The following P4HA1 variants were observed in gnomAD, a reference collection of about 807,000 sequenced individuals.
P4HA1 encodes the protein prolyl 4-hydroxylase subunit alpha 1.
In P4HA1, 24 loss-of-function variants were observed where a neutral mutation model predicts 72.8. The ratio of observed to expected loss-of-function variants is 0.33; its 90% CI spans 0.24 to 0.46. The LOEUF is 0.46. Ranked by LOEUF, P4HA1 falls within the 20% of genes least tolerant of loss-of-function variation. The pLI is 1.00. For synonymous variants in P4HA1, 201 were observed against 218.8 expected (o/e 0.92, Z 0.72); for missense variants, 446 against 640.6 (o/e 0.70, Z 3.28).
At chr10:73,060,423 C>A (rs996142626) in intron 5 of P4HA1, among the ~76,000 whole-genome samples, 1 of 152,146 alleles carries the variant, frequency 6.6e-6, no homozygotes, top group Admixed American at 6.5e-5. Context: ...AGCAATCAAG[C>A]CTTGCCAGGC....
At chr10:73,090,036 G>T (rs1163670090) in intron 1 of P4HA1, among the ~76,000 whole-genome samples, 3 of 152,144 alleles carry the variant, frequency 2.0e-5, no homozygotes, top group African/African-American at 7.2e-5. Context: ...GTTTTACCAT[G>T]TTGCGCAGGC....
At chr10:73,039,878 T>TG (rs1840692120) in intron 9 of P4HA1, among the ~76,000 whole-genome samples, 2 of 147,418 alleles carry the variant, frequency 1.4e-5, no homozygotes, top group Non-Finnish European at 3.0e-5. Flanking sequence ...TTTTTTTTTT[T>TG]GAGACAGAGT....
intron 9 of P4HA1, among the ~76,000 whole-genome samples, chr10:73,042,344 G>A (rs943502907): frequency 3.0e-4 from 46 of 152,204 alleles, no homozygotes; most frequent in African/African-American, 8.7e-4. Context: ...CAACACATTC[G>A]GTCCAGCCTA....
chr10:73,067,466 C>T (rs889868917), intron 5 of P4HA1, among the ~76,000 whole-genome samples: 2 of 152,182 alleles, frequency 1.3e-5, no homozygotes, highest in Non-Finnish European at 2.9e-5. Flanking sequence ...GCTTACAAAG[C>T]TCTCCAAGAG....
At chr10:73,073,220 CTTTTTT>C (rs573264487) in intron 3 of P4HA1, among the ~76,000 whole-genome samples, 1 of 116,168 alleles carries the variant, frequency 8.6e-6, no homozygotes. Flanking sequence ...CATCCATATT[CTTTTTT>C]TTTTTTTTTT....
intron 9 of P4HA1, among the ~76,000 whole-genome samples, chr10:73,035,515 C>T (rs1840548917): frequency 6.6e-6 from 1 of 152,036 alleles, no homozygotes; most frequent in Non-Finnish European, 1.5e-5. Context: ...GACCTCATCT[C>T]TTAAAAAAAC....
intron 10 of P4HA1, among the ~76,000 whole-genome samples, chr10:73,020,294 C>A (rs1384857131): frequency 6.6e-6 from 1 of 151,854 alleles, no homozygotes; most frequent in African/African-American, 2.4e-5. Flanking sequence ...TTATAAAAAA[C>A]CTAGAAGAAA....
rs535982961 is a variant in P4HA1 at position 73,062,150 on chromosome 10, G to A, written c.463+6696C>T. On this transcript the variant is annotated intron_variant, in intron 5 of 14. Coordinates refer to ENST00000394890, the MANE Select transcript of P4HA1 (RefSeq NM_001017962.3). ...AAAATGACAGAAAGAAAGGGTGGAA[G>A]GAGTAGATAAACCAAGAATGACAAA... Among the ~76,000 whole-genome samples the A allele has an allele frequency of 2.6e-5, 4 of 152,314 alleles. No individual in the cohort carries two copies. In the East Asian group the frequency reaches 7.7e-4, roughly 29 times the overall value.
chr10:73,063,579 G>A (rs896697052), intron 5 of P4HA1, among the ~76,000 whole-genome samples: 8 of 152,158 alleles, frequency 5.3e-5, no homozygotes, highest in South Asian at 2.1e-4. Context: ...TTTCGGTTAC[G>A]AGAACTAGTA....
rs538613647 is a variant in P4HA1 at position 73,072,279 on chromosome 10, T to C, written c.174-99A>G. ...AAAAAAATGACTAGAAGTTTTTGAG[T>C]TCAACTATATCTGTAGTTTCTTTTT... On this transcript the variant is annotated intron_variant, in intron 3 of 14. Transcript: ENST00000394890. 5 of 898,992 alleles carry C rather than the reference T, an allele frequency of 5.6e-6. No individual in the cohort carries two copies. The East Asian group carries it at 9.9e-5, about 18-fold the overall frequency. The allele number at this position is 898,992 out of a possible 1,614,324, so 55.7% of individuals were successfully genotyped here.
At chr10:73,092,863 A>C (rs1842065326) in intron 1 of P4HA1, among the ~76,000 whole-genome samples, 1 of 152,002 alleles carries the variant, frequency 6.6e-6, no homozygotes, top group South Asian at 2.1e-4. Context: ...GCTCACACCT[A>C]TAATCCCAAC....
chr10:73,026,506 G>A (rs1286552996), intron 10 of P4HA1, among the ~76,000 whole-genome samples: 1 of 152,136 alleles, frequency 6.6e-6, no homozygotes, highest in Admixed American at 6.6e-5. Context: ...AAAAACCCTA[G>A]AAGAAAACCT....
intron 13 of P4HA1, among the ~76,000 whole-genome samples, chr10:73,010,733 G>A (rs1839895271): frequency 6.6e-6 from 1 of 152,072 alleles, no homozygotes; most frequent in African/African-American, 2.4e-5. Flanking sequence ...GCTGGGCATG[G>A]TGACATGCAC....
intron 9 of P4HA1, among the ~76,000 whole-genome samples, chr10:73,032,939 A>G (rs1336503078): frequency 6.6e-6 from 1 of 152,186 alleles, no homozygotes; most frequent in Non-Finnish European, 1.5e-5. Flanking sequence ...TTGCTTGGTG[A>G]TATCTTGCAA....
intron 10 of P4HA1, among the ~76,000 whole-genome samples, chr10:73,027,020 C>T (rs1488450181): frequency 6.6e-6 from 1 of 152,174 alleles, no homozygotes; most frequent in Non-Finnish European, 1.5e-5. Context: ...TTAGTTCAGC[C>T]ATTGTGGAAG....
chr10:73,045,132 G>A (rs1471905676), intron 8 of P4HA1, 81 bp from the exon 9 acceptor site: 1 of 1,185,238 alleles, frequency 8.4e-7, no homozygotes, highest in South Asian at 1.3e-5. Flanking sequence ...GAATTCCAGG[G>A]TTTTTACAAA....
At chr10:73,095,636 GA>G (rs1439513819) in intron 1 of P4HA1, among the ~76,000 whole-genome samples, 1 of 151,696 alleles carries the variant, frequency 6.6e-6, no homozygotes, top group African/African-American at 2.4e-5. Flanking sequence ...CATTCCAAGC[GA>G]AAGTCCGAGA....
At chr10:73,077,053 C>T (rs537049963) in intron 1 of P4HA1, among the ~76,000 whole-genome samples, 6 of 152,344 alleles carry the variant, frequency 3.9e-5, no homozygotes, top group Admixed American at 2.0e-4. Context: ...AGGAAATACA[C>T]TGCTCTTTTG....
At chr10:73,051,706 C>T (rs1564629308) in intron 6 of P4HA1, among the ~76,000 whole-genome samples, 1 of 152,084 alleles carries the variant, frequency 6.6e-6, no homozygotes, top group Admixed American at 6.6e-5. Flanking sequence ...TTGCAGTGAG[C>T]CGAGATCATG....
Sources: gnomAD v4.1 joint callset for allele counts (sites outside exome capture counted in the v4.1 genomes callset) on GRCh38, gnomAD v4.1.1 for gene constraint, MANE v1.5 for transcripts, NCBI Gene and HGNC (gene_info 2026-07-23, HGNC 2026-07-21) for gene names.